Variants in PCDHGA1 observed in about 807,000 individuals in gnomAD.
PCDHGA1 encodes protocadherin gamma subfamily A, 1.
Under a neutral mutation model 58.0 loss-of-function variants are expected in PCDHGA1, and 32 were observed. The observed-to-expected ratio is 0.55, with a 90% confidence interval of 0.42 to 0.74. The LOEUF (loss-of-function observed/expected upper bound fraction) is 0.74, where lower values mean the gene tolerates loss of function less well. Among genes scored for constraint, PCDHGA1 ranks in the 30% least tolerant of loss-of-function variants. The pLI is 0.00. For synonymous variants in PCDHGA1, 498 were observed against 501.1 expected, an observed-to-expected ratio of 0.99 and a Z score of 0.08; for missense variants, 1,205 against 1,182.3, an observed-to-expected ratio of 1.02 and a Z score of -0.28.
At chr5:141,384,245 C>T (rs776707376) in intron 1 of PCDHGA1, 6 of 1,613,890 alleles carry the variant, frequency 3.7e-6, no homozygotes, top group Non-Finnish European at 5.1e-6. Context: ...AACGATAACC[C>T]ACCCACCTTC....
chr5:141,421,307 T>C, intron 1 of PCDHGA1: 10 of 1,613,674 alleles, frequency 6.2e-6, no homozygotes, highest in Non-Finnish European at 8.5e-6. Context: ...CTGCGGGGGT[T>C]CCGGGCCAGG....
intron 1 of PCDHGA1, among the ~76,000 whole-genome samples, chr5:141,443,679 A>G (rs1158105871): frequency 6.6e-6 from 1 of 152,268 alleles, no homozygotes; most frequent in African/African-American, 2.4e-5. Flanking sequence ...AGTAGTTTAC[A>G]AACACTTCAA....
intron 1 of PCDHGA1, chr5:141,351,339 C>A: frequency 6.2e-7 from 1 of 1,613,532 alleles, no homozygotes. Flanking sequence ...GACCTTGGAA[C>A]TGTAATAGCC....
chr5:141,434,474 A>G (rs979175338), intron 1 of PCDHGA1, among the ~76,000 whole-genome samples: 2 of 152,222 alleles, frequency 1.3e-5, no homozygotes, highest in Non-Finnish European at 2.9e-5. Context: ...GAATGAGGGC[A>G]AGGAACACCT....
intron 1 of PCDHGA1, chr5:141,426,693 A>C (rs62378458): frequency 0.034 from 14,964 of 435,892 alleles, 320 homozygotes; most frequent in Middle Eastern, 0.11. Flanking sequence ...CCAAAATAGC[A>C]TTGTTTTACA....
chr5:141,432,686 G>A lies in PCDHGA1; in HGVS notation c.2422-62121G>A. On this transcript the variant is annotated intron_variant, in intron 1 of 3. Transcript: ENST00000517417. The surrounding 1 kb of genome is among the most constrained non-coding windows in gnomAD (Gnocchi z 6.0). The stretch of plus-strand genomic sequence containing the variant: ...CAGAGACGCGCTCAAGCAGAGCCTC[G>A]TAGTGGCCGTCCAGGACCACGGCCA... 2 of 1,613,922 alleles carry A rather than the reference G, an allele frequency of 1.2e-6. No homozygotes were observed. The highest frequency in any genetic ancestry group is 1.7e-5 in the Admixed American group (1 of 60,020).
chr5:141,494,807 C>A lies in PCDHGA1; in HGVS notation c.2422C>A (p.Gln808Lys), dbSNP rs568448786. Residue 808 changes from glutamine to lysine, a missense_variant and splice_region_variant, in exon 2 of 4, where the codon CAA (glutamine) becomes AAA (lysine). Coordinates refer to ENST00000517417, the MANE Select transcript of PCDHGA1 (RefSeq NM_018912.3). ...CCCTTTCCCTCTGTTTTCTCCACAGCAAGCCCCGCCCAACACGGACTGGCG... is the reference window on the plus strand; with the variant it reads ...CCCTTTCCCTCTGTTTTCTCCACAGAAAGCCCCGCCCAACACGGACTGGCG... ...LEDKKEPFSQ[Q>K]APPNTDWRFS... The A allele has an allele frequency of 2.5e-5, 40 of 1,614,144 alleles. No individual in the cohort carries two copies. The South Asian group carries it at 4.0e-4, about 16-fold the overall frequency.
chr5:141,418,987 A>AG (rs781016682), intron 1 of PCDHGA1: 1 of 1,613,974 alleles, frequency 6.2e-7, no homozygotes, highest in South Asian at 1.1e-5. Context: ...ACCAAGACTC[A>AG]GGGGAAAATG....
chr5:141,388,382 A>T, intron 1 of PCDHGA1: 1 of 1,614,018 alleles, frequency 6.2e-7, no homozygotes, highest in Non-Finnish European at 8.5e-7. Flanking sequence ...GTAGCAACAC[A>T]CTGCAGAATT....
chr5:141,403,333 C>A (rs376895778), intron 1 of PCDHGA1: 1 of 1,613,984 alleles, frequency 6.2e-7, no homozygotes, highest in South Asian at 1.1e-5. Flanking sequence ...CTGATATTAA[C>A]GACAGCGCCC....
rs758199803 is a variant in PCDHGA1 at position 141,331,658 on chromosome 5, C to T, written c.974C>T (p.Ala325Val). The change falls in exon 1 of 4, where the codon GCG becomes GTG. Residue 325 changes from alanine to valine, a missense_variant. Physicochemically the swap from Ala to Val is moderately conservative, Grantham distance 64 (BLOSUM62 0). Coordinates refer to ENST00000517417, the MANE Select transcript of PCDHGA1 (RefSeq NM_018912.3). ...ATGGAAGTTCAAGCCCAGGATGGTG[C>T]GGGGCTCATGGCTAAAGTTAAGGTA... ...YSMEVQAQDG[A>V]GLMAKVKVLI... 8.1e-6 allele frequency: 13 copies of T among 1,613,706 alleles called. No individual in the cohort carries two copies. In the South Asian group the frequency reaches 8.8e-5, roughly 11 times the overall value.
chr5:141,420,229 C>A (rs1206296211), intron 1 of PCDHGA1: 1 of 1,600,344 alleles, frequency 6.2e-7, no homozygotes, highest in South Asian at 1.1e-5. Flanking sequence ...TACTGGCTAG[C>A]ATTTTAACTC....
At chr5:141,509,327 G>A (rs2099876237) in intron 3 of PCDHGA1, among the ~76,000 whole-genome samples, 1 of 152,188 alleles carries the variant, frequency 6.6e-6, no homozygotes, top group African/African-American at 2.4e-5. Flanking sequence ...AAGCTCTACT[G>A]CCAGCTGGGC....
At chr5:141,481,943 G>C (rs1454871018) in intron 1 of PCDHGA1, among the ~76,000 whole-genome samples, 1 of 148,544 alleles carries the variant, frequency 6.7e-6, no homozygotes, top group South Asian at 2.1e-4. Context: ...AAATCAGCCA[G>C]ATGTGGTGGC....
chr5:141,408,358 G>C, intron 1 of PCDHGA1: 1 of 1,613,952 alleles, frequency 6.2e-7, no homozygotes, highest in South Asian at 1.1e-5. Context: ...ACCTCGCTAA[G>C]GATCTAGGGC....
chr5:141,340,514 T>C (rs1756953405), intron 1 of PCDHGA1: 1 of 1,614,130 alleles, frequency 6.2e-7, no homozygotes, highest in Non-Finnish European at 8.5e-7. Flanking sequence ...TGGAGTACTC[T>C]ATGCACTGCG....
intron 1 of PCDHGA1, chr5:141,484,966 G>C: frequency 1.7e-6 from 1 of 583,968 alleles, no homozygotes. Context: ...GAGCCCGGGA[G>C]CCGCTGTCTG....
At chr5:141,399,415 T>C in intron 1 of PCDHGA1, 1 of 1,613,974 alleles carries the variant, frequency 6.2e-7, no homozygotes, top group Non-Finnish European at 8.5e-7. Context: ...GCCCCTCTCC[T>C]CCAGCATAAG....
chr5:141,341,027 G>A (rs374361232), intron 1 of PCDHGA1: 35 of 1,614,034 alleles, frequency 2.2e-5, no homozygotes, highest in African/African-American at 4.0e-5. Flanking sequence ...CATACCCAAC[G>A]ATTCGGACCT....
Sources: allele counts gnomAD v4.1 joint callset (sites outside exome capture counted in the v4.1 genomes callset), GRCh38; gene constraint gnomAD v4.1.1; non-coding constraint Gnocchi (gnomAD v3.1); transcripts MANE v1.5; gene names NCBI Gene and HGNC (gene_info 2026-07-23, HGNC 2026-07-21).